FNBP1: variants seen among roughly 807,000 people sequenced by gnomAD.
FNBP1 encodes formin binding protein 1, also known as formin-binding protein 1.
In FNBP1, 26 loss-of-function variants were observed where a neutral mutation model predicts 90.6. That is an observed-to-expected ratio of 0.29 (90% CI 0.21 to 0.40). The LOEUF (loss-of-function observed/expected upper bound fraction) is 0.40, where lower values mean the gene tolerates loss of function less well. FNBP1 is among the 10% of genes least tolerant of loss of function. The pLI, the probability that FNBP1 is intolerant of heterozygous loss-of-function variation, is 1.00. For synonymous variants in FNBP1, 260 were observed against 265.2 expected (o/e 0.98, Z 0.19); for missense variants, 635 against 768.0 (o/e 0.83, Z 2.05).
Position 129,902,959 on chromosome 9 carries a change from A to G in FNBP1, c.1338T>C (p.Pro446=). The G allele has an allele frequency of 6.2e-7, 1 of 1,602,694 alleles. No individual in the cohort carries two copies. Among genetic ancestry groups the G allele is most frequent in the South Asian group, 1.1e-5 (1 of 89,774 alleles). ...TKMKDVYLKN[P]QMGDPASLDH... The stretch of plus-strand genomic sequence containing the variant: ...CCAAACTGGCTGGGTCTCCCATCTG[A>G]GGATTCTTTAGGTAGACATCTTTCA... Residue 446 remains proline, a synonymous_variant, in exon 13 of 17, where the codon CCT becomes CCC. Coordinates refer to ENST00000446176, the MANE Select transcript of FNBP1 (RefSeq NM_015033.3).
intron 1 of FNBP1, among the ~76,000 whole-genome samples, chr9:130,008,566 CT>C (rs1435887743): frequency 2.6e-5 from 4 of 152,118 alleles, no homozygotes; most frequent in African/African-American, 9.7e-5. Context: ...AAATCTTGCT[CT>C]TTATAATTTA....
chr9:129,887,484 A>C lies in FNBP1; in HGVS notation c.*3055T>G, dbSNP rs2034820676. ...GGAGGCAGAGCCAATAAGAAACATG[A>C]AACCAATATTTCTGGAAAAACACTT... On this transcript the variant is annotated 3_prime_UTR_variant, in exon 17 of 17. Coordinates refer to ENST00000446176, the MANE Select transcript of FNBP1 (RefSeq NM_015033.3). 4.9e-6 allele frequency: 1 copy of C among 203,236 alleles called. No individual in the cohort carries two copies. 12.6% of individuals were successfully genotyped at this position (203,236 alleles called of 1,614,324 possible).
At chr9:129,993,024 C>T (rs1344157957) in intron 2 of FNBP1, among the ~76,000 whole-genome samples, 2 of 149,884 alleles carry the variant, frequency 1.3e-5, no homozygotes, top group African/African-American at 4.9e-5. Flanking sequence ...GTCAGGAGTT[C>T]AAGACCAGCC....
chr9:129,888,220 A>T lies in FNBP1; in HGVS notation c.*2319T>A, dbSNP rs2034856771. On this transcript the variant is annotated 3_prime_UTR_variant, in exon 17 of 17. Coordinates refer to ENST00000446176, the MANE Select transcript of FNBP1 (RefSeq NM_015033.3). ...CTTTTCCACTATGTTGCAAGAAATG[A>T]ATCTATCCTGACCCATAATATGAAA... The T allele has an allele frequency of 8.6e-6, 2 of 232,738 alleles. No homozygotes were observed. Among genetic ancestry groups the T allele is most frequent in the Admixed American group, 5.6e-5 (1 of 17,770 alleles). 14.4% of individuals were successfully genotyped at this position (232,738 alleles called of 1,614,324 possible).
chr9:130,046,595 A>C (rs1016957856), upstream of FNBP1, among the ~76,000 whole-genome samples: 3 of 149,564 alleles, frequency 2.0e-5, no homozygotes, highest in East Asian at 1.9e-4. Flanking sequence ...AAAAAAAAAA[A>C]AAAAAAAAAC....
chr9:130,004,476 A>G (rs1449791361), intron 1 of FNBP1, among the ~76,000 whole-genome samples: 1 of 152,146 alleles, frequency 6.6e-6, no homozygotes, highest in Admixed American at 6.6e-5. Context: ...TACTGAGACT[A>G]CTTTGGTCTG....
intron 2 of FNBP1, among the ~76,000 whole-genome samples, chr9:129,994,075 T>C (rs574398913): frequency 6.6e-6 from 1 of 152,304 alleles, no homozygotes; most frequent in South Asian, 2.1e-4. Context: ...GATGCCTACG[T>C]AGATCCTAGG....
chr9:129,894,628 C>CCCCT, intron 16 of FNBP1, among the ~76,000 whole-genome samples: 1 of 152,162 alleles, frequency 6.6e-6, no homozygotes, highest in East Asian at 1.9e-4. Context: ...CCTGGGCAAG[C>CCCCT]GTGAGTGCAG....
the FNBP1 span, among the ~76,000 whole-genome samples, chr9:130,051,468 C>T: frequency 6.6e-6 from 1 of 152,120 alleles, no homozygotes; most frequent in African/African-American, 2.4e-5. Context: ...ATAATAATAG[C>T]ACTAGATTCA....
intron 11 of FNBP1, among the ~76,000 whole-genome samples, chr9:129,914,109 A>C (rs1208036657): frequency 1.4e-5 from 2 of 146,670 alleles, no homozygotes; most frequent in East Asian, 2.0e-4. Flanking sequence ...GCCTGCCCCC[A>C]CCTCCCAAAG....
intron 2 of FNBP1, among the ~76,000 whole-genome samples, chr9:129,984,396 A>G (rs948611471): frequency 1.4e-4 from 21 of 152,214 alleles, no homozygotes; most frequent in Non-Finnish European, 2.9e-4. Flanking sequence ...CTTCCTCCCC[A>G]TCACAGGAAG....
intron 10 of FNBP1, among the ~76,000 whole-genome samples, chr9:129,920,948 C>T (rs771963177): frequency 2.0e-5 from 3 of 152,188 alleles, no homozygotes; most frequent in South Asian, 2.1e-4. Context: ...GAGTTCTAAA[C>T]GCCAGCATCG....
At chr9:129,940,586 G>A (rs2044172241) in intron 6 of FNBP1, among the ~76,000 whole-genome samples, 1 of 149,432 alleles carries the variant, frequency 6.7e-6, no homozygotes, top group Non-Finnish European at 1.5e-5. Flanking sequence ...ACATAATATA[G>A]GAAGAGTTAA....
chr9:129,979,701 G>A (rs955680865), intron 2 of FNBP1, among the ~76,000 whole-genome samples: 3 of 152,084 alleles, frequency 2.0e-5, no homozygotes, highest in South Asian at 2.1e-4. Context: ...ATGCGGTAGC[G>A]TGATCTCAGC....
At position 130,042,044 on chromosome 9, in the gene FNBP1, A is replaced by C. The variant is rs1412310593; in HGVS notation, c.24+908T>G. Among the ~76,000 whole-genome samples the C allele has an allele frequency of 6.6e-6, 1 of 151,942 alleles. No homozygotes were observed. The highest frequency in any genetic ancestry group is 1.5e-5 in the Non-Finnish European group (1 of 67,974). On this transcript the variant is annotated intron_variant, in intron 1 of 16. Coordinates refer to ENST00000446176, the MANE Select transcript of FNBP1 (RefSeq NM_015033.3). The surrounding 1 kb of genome is among the most constrained non-coding windows in gnomAD (Gnocchi z 5.5). ...CCGCCGCACTGCCCATCCCCTGCCC[A>C]GTGATTTCCCCAGGAATCCGGGGAC... is the stretch of plus-strand genomic sequence containing the variant.
In FNBP1 at chr9:129,960,237, C is replaced by T. The variant is rs565686701; in HGVS notation, c.346-1684G>A. ...ACTAAAAATACAAAAACTGGCCGGG[C>T]GTGGTGGCGTGGACCTGTAATCTCA... On this transcript the variant is annotated intron_variant, in intron 4 of 16. Transcript: ENST00000446176. Among the ~76,000 whole-genome samples the T allele has an allele frequency of 9.2e-5, 14 of 151,604 alleles. No individual in the cohort carries two copies. In the South Asian group the frequency reaches 1.9e-3, roughly 20 times the overall value.
rs1439138166 is a variant in FNBP1 at position 129,914,435 on chromosome 9, C to T, written c.1185+1531G>A. ...TTTGTATTTCAAACAGAAAGACTGC[C>T]TAAAAATATTACCTTTTGCTCCTAG... On this transcript the variant is annotated intron_variant, in intron 11 of 16. Transcript: ENST00000446176. Among the ~76,000 whole-genome samples the T allele has an allele frequency of 2.0e-5, 3 of 151,852 alleles. No individual in the cohort carries two copies. The East Asian group carries it at 5.8e-4, about 29-fold the overall frequency.
intron 12 of FNBP1, among the ~76,000 whole-genome samples, chr9:129,908,150 G>A (rs1200930843): frequency 2.0e-5 from 3 of 148,660 alleles, no homozygotes; most frequent in Non-Finnish European, 4.5e-5. Flanking sequence ...AGCTACTTTT[G>A]TTTATTTTTG....
At position 130,042,504 on chromosome 9, in the gene FNBP1, C is replaced by T. The variant is rs975308533; in HGVS notation, c.24+448G>A. On this transcript the variant is annotated intron_variant, in intron 1 of 16. Coordinates refer to ENST00000446176, the MANE Select transcript of FNBP1 (RefSeq NM_015033.3). This position sits in a 1 kb window ranked among gnomAD's most constrained non-coding sequence, Gnocchi z 5.5. The stretch of plus-strand genomic sequence containing the variant: ...GCTCCCGGGGAAGTGCCCGATCCGC[C>T]AGCGCCTCCGCGGAGCCAGGACAGA... Among the ~76,000 whole-genome samples the T allele has an allele frequency of 1.3e-5, 2 of 152,004 alleles. No individual in the cohort carries two copies. Among genetic ancestry groups the T allele is most frequent in the Non-Finnish European group, 1.5e-5 (1 of 67,962 alleles).
Sources: gnomAD v4.1 joint callset for allele counts (sites outside exome capture counted in the v4.1 genomes callset) on GRCh38, gnomAD v4.1.1 for gene constraint, Gnocchi (gnomAD v3.1) non-coding constraint, MANE v1.5 for transcripts, NCBI Gene and HGNC (gene_info 2026-07-23, HGNC 2026-07-21) for gene names.